Variants in TYW1 observed in about 807,000 individuals in gnomAD.
The protein encoded by TYW1 is S-adenosyl-L-methionine-dependent tRNA 4-demethylwyosine synthase TYW1.
A neutral mutation model predicts 96.2 loss-of-function variants in TYW1; 46 were observed. The observed-to-expected ratio is 0.48, with a 90% CI of 0.38 to 0.61. The LOEUF is 0.61. Among genes scored for constraint, TYW1 ranks in the 20% least tolerant of loss-of-function variants. The pLI is 0.00. For missense variants in TYW1, 684 were observed against 909.6 expected (o/e 0.75, Z 3.19); for synonymous variants, 274 against 323.0 (o/e 0.85, Z 1.63).
At chr7:67,090,030 A>G (rs1246989829) in intron 11 of TYW1, among the ~76,000 whole-genome samples, 3 of 152,234 alleles carry the variant, frequency 2.0e-5, no homozygotes, top group Admixed American at 2.0e-4. Context: ...CTAAAGCTGC[A>G]AAGATGAAAA....
At chr7:67,151,037 A>G (rs1308427514) in intron 13 of TYW1, among the ~76,000 whole-genome samples, 2 of 150,410 alleles carry the variant, frequency 1.3e-5, no homozygotes, top group Admixed American at 6.6e-5. Context: ...TTTTCCTGCC[A>G]TTATATTCTT....
chr7:67,108,845 A>G (rs1051484920), intron 12 of TYW1, among the ~76,000 whole-genome samples: 1 of 152,216 alleles, frequency 6.6e-6, no homozygotes, highest in Non-Finnish European at 1.5e-5. Flanking sequence ...TCGAAATTGT[A>G]TAGAGCATGA....
intron 3 of TYW1, among the ~76,000 whole-genome samples, chr7:67,000,960 C>G (rs1267699527): frequency 6.6e-6 from 1 of 151,838 alleles, no homozygotes; most frequent in Admixed American, 6.6e-5. Flanking sequence ...TTAAGTTAAA[C>G]CTTAAGCAGT....
chr7:67,120,336 A>T (rs768205909), intron 13 of TYW1, among the ~76,000 whole-genome samples: 28 of 151,820 alleles, frequency 1.8e-4, no homozygotes, highest in Non-Finnish European at 3.8e-4. Context: ...GCCTGCCTCA[A>T]CCTCCGAAAG....
chr7:67,084,122 C>A (rs1186701111), intron 11 of TYW1, among the ~76,000 whole-genome samples: 1 of 152,224 alleles, frequency 6.6e-6, no homozygotes, highest in African/African-American at 2.4e-5. Flanking sequence ...TACCATCAAT[C>A]TTCCTAGAAA....
At chr7:67,126,658 G>A (rs185021236) in intron 13 of TYW1, among the ~76,000 whole-genome samples, 23 of 152,118 alleles carry the variant, frequency 1.5e-4, no homozygotes, top group Non-Finnish European at 8.8e-5. Context: ...TAAGGTGTTC[G>A]TCTAGATTCT....
intron 6 of TYW1, 87 bp from the exon 7 acceptor site, chr7:67,024,811 CAT>C (rs1202616934): frequency 1.3e-6 from 2 of 1,517,652 alleles, no homozygotes; most frequent in Middle Eastern, 1.8e-4. Context: ...AATTTAGAGA[CAT>C]AGTGAATTCT....
chr7:67,235,549 T>C (rs1220251040), intron 15 of TYW1, among the ~76,000 whole-genome samples: 2 of 152,094 alleles, frequency 1.3e-5, no homozygotes, highest in Non-Finnish European at 2.9e-5. Flanking sequence ...AAGATGTCAG[T>C]AGAACGGGTG....
intron 11 of TYW1, among the ~76,000 whole-genome samples, chr7:67,087,830 C>G (rs1291597080): frequency 3.3e-5 from 5 of 150,964 alleles, no homozygotes; most frequent in African/African-American, 9.8e-5. Flanking sequence ...CATAAGGGAG[C>G]CTCATTTGTT....
chr7:67,107,328 C>T (rs773018065), intron 12 of TYW1, among the ~76,000 whole-genome samples: 9 of 152,256 alleles, frequency 5.9e-5, no homozygotes, highest in East Asian at 3.9e-4. Flanking sequence ...AGAAGTTCCC[C>T]GACCCCCAGC....
chr7:67,083,504 T>A lies in TYW1; in HGVS notation c.1349T>A (p.Ile450Asn), dbSNP rs747203555. The change falls in exon 11 of 16, where the codon ATT becomes AAT. Residue 450 changes from isoleucine to asparagine, a missense_variant. Physicochemically the swap from Ile to Asn is moderately radical, Grantham distance 149. Coordinates refer to ENST00000359626, the MANE Select transcript of TYW1 (RefSeq NM_018264.4). ...DQPEMILKEAIENHQNMIKQF... is the reference protein window; with the variant it reads ...DQPEMILKEANENHQNMIKQF... The stretch of plus-strand genomic sequence containing the variant: ...CCTGAAATGATCTTGAAGGAAGCCA[T>A]TGAAAACCATCAGAACATGATTAAG... 6.2e-7 allele frequency: 1 copy of A among 1,614,106 alleles called. No individual in the cohort carries two copies. Among genetic ancestry groups the A allele is most frequent in the East Asian group, 2.2e-5 (1 of 44,876 alleles).
intron 15 of TYW1, among the ~76,000 whole-genome samples, chr7:67,234,392 A>C (rs1048648643): frequency 6.6e-6 from 1 of 151,220 alleles, no homozygotes; most frequent in African/African-American, 2.4e-5. Context: ...AGAGGGCCCA[A>C]GTCACTTGCT....
chr7:67,106,918 G>A (rs570517166), intron 12 of TYW1, among the ~76,000 whole-genome samples: 1 of 152,224 alleles, frequency 6.6e-6, no homozygotes, highest in Non-Finnish European at 1.5e-5. Flanking sequence ...TCATCCCTGT[G>A]TACGTTTACT....
intron 13 of TYW1, among the ~76,000 whole-genome samples, chr7:67,150,372 C>CA (rs1006860086): frequency 4.6e-5 from 7 of 152,070 alleles, no homozygotes; most frequent in African/African-American, 1.7e-4. Context: ...AAACCCAAAA[C>CA]AAAAAAACTA....
Position 67,199,480 on chromosome 7 carries a change from C to G in TYW1, c.1977+4143C>G, listed in dbSNP as rs962968472. 3.3e-5 allele frequency among the ~76,000 whole-genome samples: 5 copies of G among 152,188 alleles called. 1 individual carries two copies. The highest frequency in any genetic ancestry group is 1.2e-4 in the African/African-American group (5 of 41,446). On this transcript the variant is annotated intron_variant, in intron 15 of 15. Transcript: ENST00000359626. ...GACAATGCAGTATCTCGCTTCTTAC[C>G]AAAATTTCCCCATTGACTTAGCACT...
intron 15 of TYW1, among the ~76,000 whole-genome samples, chr7:67,215,280 C>T (rs1287277587): frequency 1.3e-5 from 2 of 151,850 alleles, no homozygotes. Context: ...CTCAAGCACC[C>T]ACCCCCACTT....
intron 13 of TYW1, among the ~76,000 whole-genome samples, chr7:67,172,496 C>G (rs1340237895): frequency 6.6e-6 from 1 of 151,698 alleles, no homozygotes; most frequent in East Asian, 1.9e-4. Flanking sequence ...TCTCAGCTCA[C>G]TGCAGCCTCT....
intron 10 of TYW1, among the ~76,000 whole-genome samples, chr7:67,078,388 C>A (rs546603330): frequency 7.9e-5 from 12 of 152,246 alleles, no homozygotes; most frequent in African/African-American, 2.9e-4. Context: ...AGCCACTGCA[C>A]CTGGCTATAG....
intron 7 of TYW1, 70 bp downstream of exon 7, chr7:67,025,092 T>C: frequency 3.2e-6 from 5 of 1,580,062 alleles, no homozygotes; most frequent in Non-Finnish European, 4.3e-6. Context: ...TCTTTATTAC[T>C]GTGTAGTCCA....
Sources: allele counts gnomAD v4.1 joint callset (sites outside exome capture counted in the v4.1 genomes callset), GRCh38; gene constraint gnomAD v4.1.1; transcripts MANE v1.5; gene names NCBI Gene and HGNC (gene_info 2026-07-23, HGNC 2026-07-21).